The following DPP10 variants were observed in gnomAD, a reference collection of about 807,000 sequenced individuals.
DPP10 encodes inactive dipeptidyl peptidase 10.
Under a neutral mutation model 120.9 loss-of-function variants are expected in DPP10, and 33 were observed. The observed-to-expected ratio is 0.27, with a 90% confidence interval of 0.21 to 0.37. The LOEUF (loss-of-function observed/expected upper bound fraction) is 0.37. DPP10 is among the 10% of genes least tolerant of loss of function. The pLI is 1.00. For synonymous variants in DPP10, 337 were observed against 326.1 expected, an observed-to-expected ratio of 1.03 and a Z score of -0.36; for missense variants, 816 against 942.8, an observed-to-expected ratio of 0.87 and a Z score of 1.76.
chr2:115,222,604 G>T (rs1475342007), intron 1 of DPP10, among the ~76,000 whole-genome samples: 2 of 151,936 alleles, frequency 1.3e-5, no homozygotes, highest in African/African-American at 4.8e-5. Context: ...TCTTTCTTTT[G>T]CAAATTGCCC....
At chr2:115,625,276 G>A (rs2085270457) in intron 5 of DPP10, among the ~76,000 whole-genome samples, 1 of 151,994 alleles carries the variant, frequency 6.6e-6, no homozygotes, top group South Asian at 2.1e-4. Context: ...TCTTTGAAAG[G>A]GAAAATGTAA....
chr2:114,888,015 C>T lies in DPP10; in HGVS notation c.61-421224C>T, dbSNP rs908349065. ...AAAATTAGCTGGGCGTGGTGGTGGGCGCCTGTAGTCCCAGCTACTGGGGAG... is the reference window on the plus strand; with the variant it reads ...AAAATTAGCTGGGCGTGGTGGTGGGTGCCTGTAGTCCCAGCTACTGGGGAG... On this transcript the variant is annotated intron_variant, in intron 1 of 25. Transcript: ENST00000410059. Among the ~76,000 whole-genome samples the T allele has an allele frequency of 4.0e-5, 6 of 151,758 alleles. No individual in the cohort carries two copies. In the East Asian group the frequency reaches 7.8e-4, roughly 20 times the overall value.
At chr2:115,803,864 T>C (rs1016140916) in intron 19 of DPP10, among the ~76,000 whole-genome samples, 1 of 152,182 alleles carries the variant, frequency 6.6e-6, no homozygotes, top group South Asian at 2.1e-4. Context: ...GCCCTTAACA[T>C]TTTTTCCTTC....
chr2:115,377,017 T>G (rs1474597819), intron 3 of DPP10, among the ~76,000 whole-genome samples: 1 of 150,884 alleles, frequency 6.6e-6, no homozygotes, highest in Non-Finnish European at 1.5e-5. Flanking sequence ...AACATACATG[T>G]GCATGTGTCT....
chr2:115,173,980 A>T (rs552468572), intron 1 of DPP10, among the ~76,000 whole-genome samples: 1 of 152,370 alleles, frequency 6.6e-6, no homozygotes, highest in South Asian at 2.1e-4. Context: ...TCAGAATCAT[A>T]GAAATAACTT....
chr2:115,467,353 A>T (rs1041444973), intron 3 of DPP10, among the ~76,000 whole-genome samples: 2 of 152,006 alleles, frequency 1.3e-5, no homozygotes, highest in African/African-American at 4.8e-5. Flanking sequence ...TGAGGTCAGG[A>T]GTTCGAGACC....
intron 12 of DPP10, among the ~76,000 whole-genome samples, chr2:115,766,158 A>C (rs552631643): frequency 6.6e-6 from 1 of 151,692 alleles, no homozygotes; most frequent in Non-Finnish European, 1.5e-5. Context: ...ACATACATAC[A>C]TAAGTATGTA....
intron 3 of DPP10, among the ~76,000 whole-genome samples, chr2:115,397,751 G>A (rs997555207): frequency 1.3e-5 from 2 of 152,062 alleles, no homozygotes; most frequent in Admixed American, 6.6e-5. Context: ...GTGATTTTCC[G>A]GTTACTTGAA....
intron 2 of DPP10, among the ~76,000 whole-genome samples, chr2:115,324,910 A>C (rs2062266969): frequency 6.6e-6 from 1 of 152,146 alleles, no homozygotes; most frequent in African/African-American, 2.4e-5. Flanking sequence ...CTTAGGGAAT[A>C]AGGGGGCCTG....
intron 1 of DPP10, among the ~76,000 whole-genome samples, chr2:115,207,741 T>C (rs2056243715): frequency 6.6e-6 from 1 of 152,048 alleles, no homozygotes; most frequent in African/African-American, 2.4e-5. Flanking sequence ...CTAAAGAGTT[T>C]GTAACCGAAT....
At chr2:114,631,517 C>G (rs1374276568) in intron 1 of DPP10, among the ~76,000 whole-genome samples, 1 of 152,144 alleles carries the variant, frequency 6.6e-6, no homozygotes, top group Non-Finnish European at 1.5e-5. Flanking sequence ...TGTTAATGAT[C>G]TGAGAGTACT....
intron 4 of DPP10, among the ~76,000 whole-genome samples, chr2:115,508,787 C>T (rs2077080055): frequency 6.6e-6 from 1 of 152,170 alleles, no homozygotes; most frequent in African/African-American, 2.4e-5. Flanking sequence ...CTTCTAGTCC[C>T]AGCTACTCAG....
intron 1 of DPP10, among the ~76,000 whole-genome samples, chr2:114,801,749 T>TTTTAGAGTC (rs1684268885): frequency 1.3e-5 from 2 of 152,302 alleles, no homozygotes; most frequent in African/African-American, 4.8e-5. Context: ...TAAGAAAGAA[T>TTTTAGAGTC]TTTAGAGTCT....
At chr2:115,471,496 C>T (rs972247604) in intron 3 of DPP10, among the ~76,000 whole-genome samples, 4 of 152,144 alleles carry the variant, frequency 2.6e-5, no homozygotes, top group African/African-American at 4.8e-5. Flanking sequence ...CTTCCACCAC[C>T]GGCTTCTGAG....
At chr2:114,539,306 A>G (rs1357401728) in intron 1 of DPP10, among the ~76,000 whole-genome samples, 3 of 151,434 alleles carry the variant, frequency 2.0e-5, no homozygotes, top group Non-Finnish European at 4.4e-5. Flanking sequence ...GTAAATTCAT[A>G]TATATACATA....
At chr2:115,246,716 C>T (rs897630791) in intron 1 of DPP10, among the ~76,000 whole-genome samples, 1 of 152,040 alleles carries the variant, frequency 6.6e-6, no homozygotes, top group African/African-American at 2.4e-5. Context: ...GTAGACAGGA[C>T]TTGGGAACTA....
In DPP10 at chr2:115,544,154, A is replaced by G. The variant is rs546879852; in HGVS notation, c.441+18182A>G. Among the ~76,000 whole-genome samples, 3 of 152,172 alleles carry G rather than the reference A, an allele frequency of 2.0e-5. No homozygotes were observed. The East Asian group carries it at 5.8e-4, about 29-fold the overall frequency. On this transcript the variant is annotated intron_variant, in intron 5 of 25. Transcript: ENST00000410059. ...AATTAAAATTTGCTTCTAATGTTAT[A>G]AAATTTTGTCACAAAAACCATAATA...
At chr2:114,578,059 A>G (rs1426204042) in intron 1 of DPP10, among the ~76,000 whole-genome samples, 1 of 152,204 alleles carries the variant, frequency 6.6e-6, no homozygotes, top group African/African-American at 2.4e-5. Context: ...CTATAATCGC[A>G]ACCTATAAAT....
chr2:115,018,107 A>C (rs1274890139), intron 1 of DPP10, among the ~76,000 whole-genome samples: 1 of 152,232 alleles, frequency 6.6e-6, no homozygotes, highest in African/African-American at 2.4e-5. Context: ...ACATGAAAAA[A>C]AGCTCATCAT....
Sources: allele counts gnomAD v4.1 joint callset (sites outside exome capture counted in the v4.1 genomes callset), GRCh38; gene constraint gnomAD v4.1.1; transcripts MANE v1.5; gene names NCBI Gene and HGNC (gene_info 2026-07-23, HGNC 2026-07-21).